Variants in TANK observed in about 807,000 individuals in gnomAD.
TANK encodes the protein TRAF family member associated NFKB activator.
TANK carries 15 observed loss-of-function variants against 43.6 expected under a neutral mutation model. The observed-to-expected ratio is 0.34, with a 90% CI of 0.23 to 0.53. The LOEUF is 0.53. Among genes scored for constraint, TANK ranks in the 20% least tolerant of loss-of-function variants. The pLI is 0.94. For synonymous variants in TANK, 162 were observed against 178.2 expected (o/e 0.91, Z 0.73); for missense variants, 417 against 498.6 (o/e 0.84, Z 1.56).
intron 4 of TANK, chr2:161,207,796 A>T (rs976600110): frequency 1.0e-6 from 1 of 985,288 alleles, no homozygotes; most frequent in African/African-American, 1.7e-5. Context: ...AATGAAAAAA[A>T]TCCATGTCTG....
At chr2:161,156,035 G>A, upstream of TANK, 1 of 977,412 alleles carries the variant, frequency 1.0e-6, no homozygotes, top group Non-Finnish European at 1.2e-6. Flanking sequence ...AAAACACATT[G>A]AGTCCTTTTC....
intron 4 of TANK, among the ~76,000 whole-genome samples, chr2:161,217,718 G>A (rs553235721): frequency 1.3e-5 from 2 of 150,964 alleles, no homozygotes; most frequent in African/African-American, 4.9e-5. Context: ...CTAAAGTCTA[G>A]TTTTTTGGTT....
At position 161,231,356 on chromosome 2, in the gene TANK, C is replaced by T. The variant is rs1299705249; in HGVS notation, c.906C>T (p.Asn302=). The change falls in exon 7 of 8, where the codon AAC becomes AAT. Residue 302 remains asparagine, a synonymous_variant. Coordinates refer to ENST00000392749, the MANE Select transcript of TANK (RefSeq NM_001199135.3). ...GIDPIASAIQ[N]LKTTDKTKPS... is the part of the protein sequence containing the mutation. ...ACCCCATAGCTTCAGCTATACAAAACCTTAAAACAACTGACAAAACAAAGC... is the reference window on the plus strand; with the variant it reads ...ACCCCATAGCTTCAGCTATACAAAATCTTAAAACAACTGACAAAACAAAGC... 1.2e-6 allele frequency: 2 copies of T among 1,613,998 alleles called. No homozygotes were observed. The highest frequency in any genetic ancestry group is 1.7e-6 in the Non-Finnish European group (2 of 1,180,014).
At chr2:161,176,876 A>C (rs1685195490) in intron 1 of TANK, among the ~76,000 whole-genome samples, 1 of 152,144 alleles carries the variant, frequency 6.6e-6, no homozygotes, top group Non-Finnish European at 1.5e-5. Flanking sequence ...TTTTTAAGGC[A>C]GTGATAGATA....
At chr2:161,160,387 G>A (rs1211074880), upstream of TANK, 3 of 1,233,304 alleles carry the variant, frequency 2.4e-6, no homozygotes, top group Admixed American at 8.3e-5. Context: ...CGCAGGCACT[G>A]CCCTCTGAAC....
In TANK at chr2:161,235,484, G is replaced by C; in HGVS notation, c.1244G>C (p.Arg415Pro). The change falls in exon 8 of 8, where the codon CGG becomes CCG. Residue 415 changes from arginine (R) to proline (P), a missense_variant. Arg to Pro is a moderately radical substitution (Grantham distance 103). Transcript: ENST00000392749. Reference protein sequence around the residue: ...PSITSRGDFLRHLNSHFNGET With the variant: ...PSITSRGDFLPHLNSHFNGET ...ATTACATCCAGGGGGGATTTCCTTC[G>C]GCATCTTAATTCACACTTCAATGGA... 1.2e-6 allele frequency: 2 copies of C among 1,612,468 alleles called. No homozygotes were observed. The highest frequency in any genetic ancestry group is 1.7e-6 in the Non-Finnish European group (2 of 1,179,326).
At chr2:161,229,329 GA>G in intron 6 of TANK, among the ~76,000 whole-genome samples, 1 of 152,194 alleles carries the variant, frequency 6.6e-6, no homozygotes. Flanking sequence ...AGCCTTTTCT[GA>G]GATCTGAGGG....
intron 1 of TANK, among the ~76,000 whole-genome samples, chr2:161,149,744 G>GT (rs60129646): frequency 6.7e-4 from 96 of 143,814 alleles, no homozygotes; most frequent in African/African-American, 9.9e-4. Context: ...AATCATGTGG[G>GT]TTTTTTTTTT....
intron 2 of TANK, among the ~76,000 whole-genome samples, chr2:161,187,027 G>A (rs959044631): frequency 2.0e-5 from 3 of 152,132 alleles, no homozygotes; most frequent in African/African-American, 7.2e-5. Flanking sequence ...AAAAATAACA[G>A]ATGCTGGCAA....
chr2:161,200,460 C>G (rs943844557), intron 2 of TANK: 19 of 958,718 alleles, frequency 2.0e-5, no homozygotes, highest in Non-Finnish European at 2.1e-5. Flanking sequence ...GCAAATAAAC[C>G]AAGTTCTACT....
At chr2:161,160,617 A>C (rs1684374439) in intron 1 of TANK, 131 bp downstream of exon 1, 1 of 758,096 alleles carries the variant, frequency 1.3e-6, no homozygotes, top group African/African-American at 1.8e-5. Context: ...GGAGCAGCGG[A>C]GACAACCAAT....
intron 1 of TANK, among the ~76,000 whole-genome samples, chr2:161,171,429 C>G (rs1003746943): frequency 6.6e-6 from 1 of 152,134 alleles, no homozygotes; most frequent in Admixed American, 6.5e-5. Context: ...TCTAATAAAA[C>G]AAGTTGTGAC....
At chr2:161,202,849 C>T (rs1339857131) in intron 2 of TANK, 1 of 466,434 alleles carries the variant, frequency 2.1e-6, no homozygotes, top group South Asian at 1.6e-5. Context: ...TTTTTCATTG[C>T]TTTATTCTCA....
intron 2 of TANK, among the ~76,000 whole-genome samples, chr2:161,186,179 C>A (rs1050664766): frequency 1.3e-5 from 2 of 152,126 alleles, no homozygotes; most frequent in Non-Finnish European, 2.9e-5. Context: ...CAGAGCGAGA[C>A]CCTGGCTCAA....
chr2:161,185,654 T>C (rs2105308658), intron 2 of TANK, among the ~76,000 whole-genome samples: 1 of 139,864 alleles, frequency 7.1e-6, no homozygotes, highest in African/African-American at 2.7e-5. Context: ...TAGGTGGGAA[T>C]TGAACAATGA....
chr2:161,155,942 C>T (rs1684213710), upstream of TANK: 5 of 653,798 alleles, frequency 7.6e-6, no homozygotes, highest in Non-Finnish European at 9.5e-6. Flanking sequence ...CAAATATTCC[C>T]AAAATATTCA....
intron 7 of TANK, 68 bp downstream of exon 7, chr2:161,231,619 A>G: frequency 7.2e-7 from 1 of 1,385,144 alleles, no homozygotes; most frequent in Non-Finnish European, 1.0e-6. Flanking sequence ...ATGCACAGAT[A>G]TGCATCTCTT....
intron 4 of TANK, among the ~76,000 whole-genome samples, chr2:161,219,268 G>A (rs185495020): frequency 2.1e-4 from 32 of 152,196 alleles, no homozygotes; most frequent in African/African-American, 7.0e-4. Context: ...TAGAGATTGT[G>A]GGGATGGGTT....
At chr2:161,198,548 C>T (rs973703968) in intron 2 of TANK, among the ~76,000 whole-genome samples, 4 of 152,212 alleles carry the variant, frequency 2.6e-5, no homozygotes, top group Non-Finnish European at 5.9e-5. Flanking sequence ...CTCACTCCCA[C>T]GGCTGTGGAT....
Sources: gnomAD v4.1 joint callset for allele counts (sites outside exome capture counted in the v4.1 genomes callset) on GRCh38, gnomAD v4.1.1 for gene constraint, MANE v1.5 for transcripts, NCBI Gene and HGNC (gene_info 2026-07-23, HGNC 2026-07-21) for gene names.